The following TEX2 variants were observed in gnomAD, a reference collection of about 807,000 sequenced individuals.
The protein encoded by TEX2 is testis-expressed protein 2.
Under a neutral mutation model 106.9 loss-of-function variants are expected in TEX2, and 53 were observed. The ratio of observed to expected loss-of-function variants is 0.50; its 90% CI spans 0.40 to 0.62. TEX2 has a LOEUF of 0.62. TEX2 is among the 20% of genes least tolerant of loss of function. The pLI is 0.00. For synonymous variants in TEX2, 523 were observed against 534.8 expected (o/e 0.98, Z 0.30); for missense variants, 1,207 against 1,379.0 (o/e 0.88, Z 1.98).
intron 1 of TEX2, among the ~76,000 whole-genome samples, chr17:64,254,094 T>C (rs2034141345): frequency 6.6e-6 from 1 of 152,180 alleles, no homozygotes; most frequent in African/African-American, 2.4e-5. Flanking sequence ...CAGACGCCTC[T>C]CTACCTCTTA....
chr17:64,177,442 T>G lies in TEX2; in HGVS notation c.2454A>C (p.Glu818Asp). The G allele has an allele frequency of 6.2e-7, 1 of 1,614,166 alleles. No individual in the cohort carries two copies. Among genetic ancestry groups the G allele is most frequent in the Non-Finnish European group, 8.5e-7 (1 of 1,180,022 alleles). ...KLPEVPPSEE[E>D]EQEAWVNALL... ...AGGCATTCACCCAGGCTTCCTGTTCTTCCTCCTCAGAGGGTGGAACCTCTG... is the reference window on the plus strand; with the variant it reads ...AGGCATTCACCCAGGCTTCCTGTTCGTCCTCCTCAGAGGGTGGAACCTCTG... Residue 818 changes from glutamate (E) to aspartate (D), a missense_variant, in exon 6 of 12, where the codon GAA becomes GAC. By Grantham distance (45) the Glu-to-Asp change is conservative. This residue lies in a region of TEX2 where 1,067 missense variants were observed against 1,193.6 expected (regional missense o/e 0.89). Transcript: ENST00000584379.
intron 5 of TEX2, among the ~76,000 whole-genome samples, chr17:64,182,909 G>GTT (rs200260065): frequency 7.6e-5 from 11 of 144,092 alleles, no homozygotes; most frequent in African/African-American, 1.5e-4. Flanking sequence ...CTTTTGTTGT[G>GTT]TTTTTTTTTT....
rs747438891 is a variant in TEX2 at position 64,195,055 on chromosome 17, T to G, written c.1685A>C (p.Tyr562Ser). The change falls in exon 3 of 12, where the codon TAC becomes TCC. Residue 562 changes from tyrosine to serine, a missense_variant. By Grantham distance (144) the Tyr-to-Ser change is moderately radical. Around this residue, in one of 3 missense-constraint regions of TEX2, gnomAD observed 1,067 missense variants for 1,193.6 expected, o/e 0.89. Coordinates refer to ENST00000584379, the MANE Select transcript of TEX2 (RefSeq NM_001288732.2). The surrounding 1 kb of genome is among the most constrained non-coding windows in gnomAD (Gnocchi z 4.1). Reference sequence around the variant, plus strand: ...GACTGAATGTGTCAAAGTCGCATGGTAGGTTTCTGGATCATAGTTGTAAAT... The same window carrying G: ...GACTGAATGTGTCAAAGTCGCATGGGAGGTTTCTGGATCATAGTTGTAAAT... Reference protein sequence around the residue: ...NEIYNYDPETYHATLTHSVFV... With the variant: ...NEIYNYDPETSHATLTHSVFV... 5.0e-6 allele frequency: 8 copies of G among 1,614,058 alleles called. No homozygotes were observed. Among genetic ancestry groups the G allele is most frequent in the African/African-American group, 2.7e-5 (2 of 74,936 alleles).
At chr17:64,172,659 C>T (rs940881672) in intron 6 of TEX2, among the ~76,000 whole-genome samples, 1 of 152,186 alleles carries the variant, frequency 6.6e-6, no homozygotes, top group Non-Finnish European at 1.5e-5. Flanking sequence ...TTTGCTGCTC[C>T]AGAGAGAGTA....
At chr17:64,200,058 C>A (rs2032607853) in intron 2 of TEX2, among the ~76,000 whole-genome samples, 1 of 152,126 alleles carries the variant, frequency 6.6e-6, no homozygotes, top group African/African-American at 2.4e-5. Flanking sequence ...AATTCAAAAT[C>A]CCTTTTAAAA....
At chr17:64,171,296 G>A in intron 6 of TEX2, 97 bp from the exon 7 acceptor site, 1 of 965,990 alleles carries the variant, frequency 1.0e-6, no homozygotes, top group South Asian at 1.4e-5. Context: ...GGTGGCCAAG[G>A]TTTTGGGGAC....
At chr17:64,154,071 C>A (rs2030493825) in intron 9 of TEX2, among the ~76,000 whole-genome samples, 1 of 152,188 alleles carries the variant, frequency 6.6e-6, no homozygotes, top group African/African-American at 2.4e-5. Context: ...CCCACAGTTC[C>A]AGAACATGAG....
intron 1 of TEX2, among the ~76,000 whole-genome samples, chr17:64,228,606 G>A (rs947374094): frequency 1.3e-5 from 2 of 152,188 alleles, no homozygotes; most frequent in Admixed American, 1.3e-4. Context: ...AGGCAGTCAT[G>A]CGAGGGATGG....
At position 64,185,547 on chromosome 17, in the gene TEX2, A is replaced by G. The variant is rs1319754617; in HGVS notation, c.2424+2621T>C. Among the ~76,000 whole-genome samples, 4 of 152,138 alleles carry G rather than the reference A, an allele frequency of 2.6e-5. No homozygotes were observed. The highest frequency in any genetic ancestry group is 5.9e-5 in the Non-Finnish European group (4 of 68,034). On this transcript the variant is annotated intron_variant, in intron 5 of 11. Transcript: ENST00000584379. This position sits in a 1 kb window ranked among gnomAD's most constrained non-coding sequence, Gnocchi z 4.0. ...TAGGCCCTTGCCCCCCAAAATAGTGATATTTTCTAATTCAAATTTTCAGCA... is the reference window on the plus strand; with the variant it reads ...TAGGCCCTTGCCCCCCAAAATAGTGGTATTTTCTAATTCAAATTTTCAGCA...
chr17:64,201,316 T>C (rs879998092), intron 2 of TEX2, among the ~76,000 whole-genome samples: 1 of 152,174 alleles, frequency 6.6e-6, no homozygotes, highest in Non-Finnish European at 1.5e-5. Flanking sequence ...CCTCACCCTC[T>C]GTTCAAGCCA....
intron 2 of TEX2, among the ~76,000 whole-genome samples, chr17:64,211,493 T>C (rs2032998857): frequency 6.6e-6 from 1 of 152,008 alleles, no homozygotes; most frequent in Admixed American, 6.6e-5. Context: ...GGATTGAAAA[T>C]ATGAAATTAA....
intron 1 of TEX2, among the ~76,000 whole-genome samples, chr17:64,243,768 C>T (rs1265187121): frequency 1.3e-5 from 2 of 151,806 alleles, no homozygotes; most frequent in Admixed American, 1.3e-4. Flanking sequence ...TGTTCAGAGT[C>T]CTAAATGGTG....
At chr17:64,241,577 C>T (rs1002445596) in intron 1 of TEX2, among the ~76,000 whole-genome samples, 15 of 152,188 alleles carry the variant, frequency 9.9e-5, no homozygotes, top group Non-Finnish European at 2.9e-5. Context: ...GAAAGACCTT[C>T]CTGACTACCT....
At chr17:64,149,225 T>G (rs1348500984) in intron 11 of TEX2, 134 bp from the exon 12 acceptor site, 1 of 886,544 alleles carries the variant, frequency 1.1e-6, no homozygotes, top group Non-Finnish European at 1.7e-6. Context: ...CATTCCAAAC[T>G]AATTCTCCCA....
chr17:64,234,781 T>C (rs2033731466), intron 1 of TEX2, among the ~76,000 whole-genome samples: 1 of 152,210 alleles, frequency 6.6e-6, no homozygotes, highest in Non-Finnish European at 1.5e-5. Context: ...ATGGAGTAAA[T>C]GACACCAAGA....
At chr17:64,215,360 C>T (rs1489032690) in intron 1 of TEX2, among the ~76,000 whole-genome samples, 3 of 152,170 alleles carry the variant, frequency 2.0e-5, no homozygotes, top group Non-Finnish European at 4.4e-5. Flanking sequence ...GTCTTTGGAA[C>T]TGATGGGTGA....
Position 64,212,756 on chromosome 17 carries a change from T to A in TEX2, c.1462A>T (p.Ile488Phe). Residue 488 changes from isoleucine to phenylalanine, a missense_variant, in exon 2 of 12, where the codon ATC becomes TTC. Ile to Phe is a conservative substitution (Grantham distance 21). Around this residue, in one of 3 missense-constraint regions of TEX2, gnomAD observed 1,067 missense variants for 1,193.6 expected, o/e 0.89. Transcript: ENST00000584379. ...FFIMCVYVYLILPLPHYVSGL... is the reference protein window; with the variant it reads ...FFIMCVYVYLFLPLPHYVSGL... ...CTCACATAGTGGGGGAGGGGGAGGA[T>A]GAGGTACACATAGACACACATTATA... 2.5e-6 allele frequency: 4 copies of A among 1,614,006 alleles called. No individual in the cohort carries two copies. The highest frequency in any genetic ancestry group is 3.4e-6 in the Non-Finnish European group (4 of 1,179,998).
chr17:64,188,060 G>T, intron 5 of TEX2, 108 bp downstream of exon 5: 1 of 1,313,138 alleles, frequency 7.6e-7, no homozygotes, highest in Non-Finnish European at 1.0e-6. Context: ...TCTGTCTTGT[G>T]TACCACTGTT....
At chr17:64,226,016 C>G (rs949508016) in intron 1 of TEX2, among the ~76,000 whole-genome samples, 10 of 152,086 alleles carry the variant, frequency 6.6e-5, no homozygotes, top group African/African-American at 2.2e-4. Context: ...CCATGCCTAG[C>G]CAAAACAACA....
Sources: allele counts gnomAD v4.1 joint callset (sites outside exome capture counted in the v4.1 genomes callset), GRCh38; gene constraint gnomAD v4.1.1; regional missense constraint gnomAD v4.1.1; non-coding constraint Gnocchi (gnomAD v3.1); transcripts MANE v1.5; gene names NCBI Gene and HGNC (gene_info 2026-07-23, HGNC 2026-07-21).